Variants in CYP3A43 observed in about 807,000 individuals in gnomAD.
CYP3A43 encodes cytochrome P450 3A43.
Under a neutral mutation model 58.0 loss-of-function variants are expected in CYP3A43, and 45 were observed. The observed-to-expected ratio is 0.78, with a 90% confidence interval of 0.61 to 0.99. The LOEUF (loss-of-function observed/expected upper bound fraction) is 0.99, where lower values mean the gene tolerates loss of function less well. Among genes scored for constraint, CYP3A43 ranks in the 50% least tolerant of loss-of-function variants. The pLI is 0.00. For missense variants in CYP3A43, 593 were observed against 591.9 expected (o/e 1.00, Z -0.02); for synonymous variants, 191 against 201.4 (o/e 0.95, Z 0.44).
At chr7:99,857,378 G>A (rs1278774237) in intron 9 of CYP3A43, among the ~76,000 whole-genome samples, 1 of 152,094 alleles carries the variant, frequency 6.6e-6, no homozygotes, top group Non-Finnish European at 1.5e-5. Context: ...ACTGTGTAAT[G>A]TCCTTTTCCT....
intron 4 of CYP3A43, 110 bp downstream of exon 4, chr7:99,844,352 AT>A (rs1213331221): frequency 9.3e-6 from 9 of 965,162 alleles, no homozygotes; most frequent in Non-Finnish European, 1.3e-5. Flanking sequence ...ACTTCGTCCT[AT>A]TTCCCCCAAT....
rs1018291380 is a variant in CYP3A43 at position 99,861,892 on chromosome 7, A to T, written c.1253+53A>T. The T allele has an allele frequency of 2.1e-5, 32 of 1,495,902 alleles. 1 individual carries two copies. The highest frequency in any genetic ancestry group is 2.8e-5 in the African/African-American group (2 of 72,008). The allele number at this position is 1,495,902 out of a possible 1,614,324, so 92.7% of individuals were successfully genotyped here. On this transcript the variant is annotated intron_variant, in intron 11 of 12. Coordinates refer to ENST00000354829, the MANE Select transcript of CYP3A43 (RefSeq NM_057095.3). ...CCCTCAACCAGCCTGATTCAAGTAT[A>T]TTCTGCCTCTCTCGATGCACATGGC...
chr7:99,844,088 C>G, intron 3 of CYP3A43, 55 bp from the exon 4 acceptor site: 2 of 1,396,830 alleles, frequency 1.4e-6, no homozygotes, highest in Non-Finnish European at 2.0e-6. Flanking sequence ...TGGTGTGGTT[C>G]CAGCTGCAGA....
intron 12 of CYP3A43, 104 bp from the exon 13 acceptor site, chr7:99,865,802 T>A: frequency 2.9e-6 from 2 of 696,378 alleles, no homozygotes; most frequent in East Asian, 2.9e-5. Context: ...AGTTTTTTTT[T>A]AGTCATTGCA....
At chr7:99,841,693 G>A (rs529853363) in intron 3 of CYP3A43, among the ~76,000 whole-genome samples, 6 of 152,080 alleles carry the variant, frequency 3.9e-5, no homozygotes, top group Admixed American at 2.6e-4. Flanking sequence ...CACTGCACCC[G>A]GCCTACACAT....
rs945742035 is a variant in CYP3A43 at position 99,859,773 on chromosome 7, A to G, written c.866-57A>G. 6 of 1,601,944 alleles carry G rather than the reference A, an allele frequency of 3.7e-6. No homozygotes were observed. In the Admixed American group the frequency reaches 8.7e-5, roughly 23 times the overall value. On this transcript the variant is annotated intron_variant, in intron 9 of 12. Transcript: ENST00000354829. The stretch of plus-strand genomic sequence containing the variant: ...GCTTCACTGGAATTTTGCTTCATCT[A>G]AACTGTGATGCTCTACACTAACCAC...
chr7:99,852,327 C>T (rs1233695877), intron 7 of CYP3A43, among the ~76,000 whole-genome samples: 1 of 152,182 alleles, frequency 6.6e-6, no homozygotes, highest in African/African-American at 2.4e-5. Context: ...TTGTCAATTT[C>T]TACAAAGAAT....
intron 1 of CYP3A43, 26 bp from the exon 2 acceptor site, chr7:99,836,406 TATAAAGTTACAATTTCTGTAA>T (rs1413087655): frequency 6.6e-7 from 1 of 1,525,070 alleles, no homozygotes; most frequent in East Asian, 2.3e-5. Context: ...ACCCCTTATC[TATAAAGTTACAATTTCTGTAA>T]CCTGGCTTTC....
chr7:99,863,296 C>T (rs1282091478), intron 11 of CYP3A43, among the ~76,000 whole-genome samples: 3 of 152,148 alleles, frequency 2.0e-5, no homozygotes, highest in Admixed American at 1.3e-4. Flanking sequence ...TTATCACTTT[C>T]CTCCATCAAA....
At position 99,865,903 on chromosome 7, in the gene CYP3A43, C is replaced by G; in HGVS notation, c.1417-3C>G. The G allele has an allele frequency of 6.5e-7, 1 of 1,548,432 alleles. No homozygotes were observed. The highest frequency in any genetic ancestry group is 8.6e-7 in the Non-Finnish European group (1 of 1,162,214). On this transcript the variant is annotated splice_region_variant and splice_polypyrimidine_tract_variant and intron_variant, in intron 12 of 12. Transcript: ENST00000354829. ...TCTGAATATTCTTGTTTAACTTTTG[C>G]AGATCCCACTGAAATTAGACAATCT...
chr7:99,841,950 C>CCT (rs751733307), intron 3 of CYP3A43, among the ~76,000 whole-genome samples: 2 of 151,874 alleles, frequency 1.3e-5, no homozygotes, highest in Admixed American at 6.6e-5. Context: ...ACCTTCCCAG[C>CCT]CTCTCTCTCT....
intron 2 of CYP3A43, 75 bp from the exon 3 acceptor site, chr7:99,839,044 CT>C: frequency 6.4e-7 from 1 of 1,562,834 alleles, no homozygotes; most frequent in Non-Finnish European, 8.8e-7. Context: ...TTGGATTTGA[CT>C]TTTTTGCCCT....
chr7:99,828,434 A>C (rs1047160869), intron 1 of CYP3A43, among the ~76,000 whole-genome samples: 1 of 152,104 alleles, frequency 6.6e-6, no homozygotes, highest in Non-Finnish European at 1.5e-5. Context: ...AGGTGGAGGC[A>C]GGCCAATCAC....
chr7:99,845,921 A>G (rs1817528419), intron 4 of CYP3A43, among the ~76,000 whole-genome samples: 1 of 151,792 alleles, frequency 6.6e-6, no homozygotes, highest in African/African-American at 2.4e-5. Context: ...GATTACAGGC[A>G]TGCGGCACCA....
intron 5 of CYP3A43, 75 bp from the exon 6 acceptor site, chr7:99,848,090 GT>G: frequency 7.1e-7 from 1 of 1,411,542 alleles, no homozygotes; most frequent in Middle Eastern, 1.8e-4. Context: ...ATCATTTACT[GT>G]TCCATGCTGG....
intron 11 of CYP3A43, among the ~76,000 whole-genome samples, chr7:99,862,992 A>G (rs1247900066): frequency 1.3e-5 from 2 of 152,244 alleles, no homozygotes; most frequent in Non-Finnish European, 2.9e-5. Context: ...ACCGTGTGTC[A>G]GGAACTGGGC....
chr7:99,842,798 A>AT (rs1817386877), intron 3 of CYP3A43, among the ~76,000 whole-genome samples: 2 of 152,348 alleles, frequency 1.3e-5, no homozygotes, highest in South Asian at 4.1e-4. Context: ...AGAAGGCCAC[A>AT]TATCTCCCCA....
Position 99,844,143 on chromosome 7 carries a change from G to A in CYP3A43, c.219G>A (p.Gly73=), listed in dbSNP as rs1351180956. 2 of 1,611,944 alleles carry A rather than the reference G, an allele frequency of 1.2e-6. No homozygotes were observed. The highest frequency in any genetic ancestry group is 2.2e-5 in the East Asian group (1 of 44,794). The change falls in exon 4 of 13, where the codon GGG becomes GGA. Residue 73 remains glycine, a splice_region_variant and synonymous_variant. Transcript: ENST00000354829. The part of the protein sequence containing the change: ...ECNEKYGEMW[G]LYEGQQPMLV... ...GTCAGCTCTGTTTTCCCCCACACAG[G>A]CTGTATGAGGGGCAACAGCCCATGC...
At chr7:99,835,968 T>C (rs1817058267) in intron 1 of CYP3A43, among the ~76,000 whole-genome samples, 1 of 152,154 alleles carries the variant, frequency 6.6e-6, no homozygotes, top group African/African-American at 2.4e-5. Context: ...TATCCAGAGA[T>C]GGTACTCTTA....
Sources: allele counts gnomAD v4.1 joint callset (sites outside exome capture counted in the v4.1 genomes callset), GRCh38; gene constraint gnomAD v4.1.1; transcripts MANE v1.5; gene names NCBI Gene and HGNC (gene_info 2026-07-23, HGNC 2026-07-21).